DPP10: variants seen among roughly 807,000 people sequenced by gnomAD.
DPP10 encodes the protein dipeptidyl peptidase like 10.
In DPP10, 33 loss-of-function variants were observed where a neutral mutation model predicts 120.9. The ratio of observed to expected loss-of-function variants is 0.27; its 90% confidence interval spans 0.21 to 0.37. DPP10 has a LOEUF of 0.37. DPP10 is among the 10% of genes least tolerant of loss of function. DPP10 has a pLI of 1.00. For missense variants in DPP10, 816 were observed against 942.8 expected (o/e 0.87, Z 1.76); for synonymous variants, 337 against 326.1 (o/e 1.03, Z -0.36).
intron 7 of DPP10, among the ~76,000 whole-genome samples, chr2:115,710,078 A>G (rs2092267432): frequency 6.6e-6 from 1 of 152,140 alleles, no homozygotes; most frequent in Admixed American, 6.6e-5. Flanking sequence ...TAGAATGCTT[A>G]CAGACTTCTC....
intron 1 of DPP10, among the ~76,000 whole-genome samples, chr2:114,482,920 C>T (rs922700084): frequency 2.0e-5 from 3 of 152,174 alleles, no homozygotes; most frequent in South Asian, 2.1e-4. Flanking sequence ...GTCTCCACAA[C>T]ATCTGCATAT....
At chr2:114,760,339 T>G (rs1489670324) in intron 1 of DPP10, among the ~76,000 whole-genome samples, 3 of 152,084 alleles carry the variant, frequency 2.0e-5, no homozygotes, top group African/African-American at 4.8e-5. Context: ...GCCAATTAAT[T>G]AACAGAAATC....
At chr2:114,980,869 G>A (rs553518844) in intron 1 of DPP10, among the ~76,000 whole-genome samples, 46 of 151,326 alleles carry the variant, frequency 3.0e-4, no homozygotes, top group South Asian at 1.0e-3. Flanking sequence ...GTAATTTTTC[G>A]TTTAACTTAA....
intron 1 of DPP10, among the ~76,000 whole-genome samples, chr2:114,763,374 G>A (rs971934610): frequency 3.3e-5 from 5 of 152,076 alleles, no homozygotes; most frequent in African/African-American, 7.2e-5. Flanking sequence ...GGCCTTCAGC[G>A]GGCGCTAACA....
At chr2:115,110,978 T>A (rs1272307054) in intron 1 of DPP10, among the ~76,000 whole-genome samples, 1 of 152,094 alleles carries the variant, frequency 6.6e-6, no homozygotes, top group Non-Finnish European at 1.5e-5. Flanking sequence ...AGGTTGATTT[T>A]AAAAATATAA....
chr2:115,382,993 A>T (rs1013504417), intron 3 of DPP10, among the ~76,000 whole-genome samples: 15 of 152,224 alleles, frequency 9.9e-5, no homozygotes, highest in African/African-American at 3.1e-4. Flanking sequence ...TGCCATACTT[A>T]GACAACTCCT....
intron 1 of DPP10, among the ~76,000 whole-genome samples, chr2:114,624,230 G>T (rs1694314948): frequency 6.6e-6 from 1 of 151,926 alleles, no homozygotes; most frequent in Non-Finnish European, 1.5e-5. Context: ...AAATGAAAAA[G>T]TGTGGGTGGC....
intron 1 of DPP10, among the ~76,000 whole-genome samples, chr2:114,932,685 A>G (rs1395992992): frequency 6.6e-6 from 1 of 152,170 alleles, no homozygotes; most frequent in Non-Finnish European, 1.5e-5. Context: ...GAGAAATGAA[A>G]TCTTCCGAGG....
At chr2:115,244,239 T>TAG (rs67598156) in intron 1 of DPP10, among the ~76,000 whole-genome samples, 234 of 93,470 alleles carry the variant, frequency 2.5e-3, no homozygotes, top group East Asian at 6.6e-3. Context: ...TATATATATA[T>TAG]AGAGAGAGAG....
intron 5 of DPP10, among the ~76,000 whole-genome samples, chr2:115,621,757 G>A (rs970048973): frequency 6.6e-6 from 1 of 152,116 alleles, no homozygotes; most frequent in Non-Finnish European, 1.5e-5. Context: ...TCGGCTCACT[G>A]CAACCTCCGC....
At chr2:115,687,166 AT>A (rs2091037782) in intron 5 of DPP10, among the ~76,000 whole-genome samples, 1 of 152,042 alleles carries the variant, frequency 6.6e-6, no homozygotes, top group Non-Finnish European at 1.5e-5. Context: ...GCTAAATCTA[AT>A]TCTCATTGAA....
chr2:115,762,667 T>G, intron 12 of DPP10, 57 bp downstream of exon 12: 8 of 1,582,320 alleles, frequency 5.1e-6, no homozygotes, highest in Non-Finnish European at 5.2e-6. Flanking sequence ...GTTCACCCAT[T>G]TTTTATGTGA....
chr2:115,200,274 T>G (rs1288929649), intron 1 of DPP10, among the ~76,000 whole-genome samples: 1 of 152,202 alleles, frequency 6.6e-6, no homozygotes, highest in Admixed American at 6.5e-5. Context: ...AGAGATCATT[T>G]GTTGTATAGA....
intron 1 of DPP10, among the ~76,000 whole-genome samples, chr2:115,071,472 A>G (rs1376279622): frequency 6.6e-6 from 1 of 152,166 alleles, no homozygotes; most frequent in Non-Finnish European, 1.5e-5. Context: ...CCTCTCACCC[A>G]AGCAACATTG....
intron 1 of DPP10, among the ~76,000 whole-genome samples, chr2:114,719,801 T>C (rs897371707): frequency 5.9e-5 from 9 of 152,146 alleles, no homozygotes; most frequent in Non-Finnish European, 1.3e-4. Context: ...TTCTTCTTCT[T>C]AGGGAAAGGA....
rs879945148 is a variant in DPP10 at position 114,481,961 on chromosome 2, A to AG, written c.60+39124dup. ...AAGAAGGAGAAGAGAGGAGGAGAGG[A>AG]GAGAGAGAGAGAGGAGAGAAAGAAA... On this transcript the variant is annotated intron_variant, in intron 1 of 25. Coordinates refer to ENST00000410059, the MANE Select transcript of DPP10 (RefSeq NM_020868.6). Among the ~76,000 whole-genome samples the AG allele has an allele frequency of 6.7e-4, 98 of 146,302 alleles. 2 individuals carry two copies. Among genetic ancestry groups the AG allele is most frequent in the African/African-American group, 2.5e-3 (96 of 37,750 alleles).
intron 15 of DPP10, among the ~76,000 whole-genome samples, chr2:115,779,821 T>A (rs1056069996): frequency 6.8e-6 from 1 of 146,508 alleles, no homozygotes; most frequent in Non-Finnish European, 1.5e-5. Flanking sequence ...TTATAAGTTA[T>A]CATGAGTGAA....
intron 1 of DPP10, among the ~76,000 whole-genome samples, chr2:114,896,567 A>G (rs1693020969): frequency 6.6e-6 from 1 of 152,010 alleles, no homozygotes; most frequent in Admixed American, 6.6e-5. Flanking sequence ...AATGCTTGTG[A>G]TTTTTGTACA....
rs115493077 is a variant in DPP10 at position 115,050,776 on chromosome 2, G to A, written c.61-258463G>A. Among the ~76,000 whole-genome samples the A allele has an allele frequency of 9.3e-3, 1,418 of 152,282 alleles. 25 individuals carry two copies. The highest frequency in any genetic ancestry group is 0.032 in the African/African-American group (1,348 of 41,546). On this transcript the variant is annotated intron_variant, in intron 1 of 25. Transcript: ENST00000410059. ...CTGGCAAGAAGTGAATGCTAGGGCAGGGATGGTACACGGCCTCACTAGAGT... is the reference window on the plus strand; with the variant it reads ...CTGGCAAGAAGTGAATGCTAGGGCAAGGATGGTACACGGCCTCACTAGAGT...
Sources: gnomAD v4.1 joint callset for allele counts (sites outside exome capture counted in the v4.1 genomes callset) on GRCh38, gnomAD v4.1.1 for gene constraint, MANE v1.5 for transcripts, NCBI Gene and HGNC (gene_info 2026-07-23, HGNC 2026-07-21) for gene names.